The following ESCO2 variants were observed in gnomAD, a reference collection of about 807,000 sequenced individuals.
The protein encoded by ESCO2 is establishment of sister chromatid cohesion N-acetyltransferase 2.
Under a neutral mutation model 61.7 loss-of-function variants are expected in ESCO2, and 51 were observed. The ratio of observed to expected loss-of-function variants is 0.83; its 90% CI spans 0.66 to 1.04. The LOEUF (loss-of-function observed/expected upper bound fraction) is 1.04, where lower values mean the gene tolerates loss of function less well. Among genes scored for constraint, ESCO2 ranks in the 50% least tolerant of loss-of-function variants. The pLI, the probability that ESCO2 is intolerant of heterozygous loss-of-function variation, is 0.00. For synonymous variants in ESCO2, 230 were observed against 238.2 expected, an observed-to-expected ratio of 0.97 and a Z score of 0.32; for missense variants, 692 against 686.2, an observed-to-expected ratio of 1.01 and a Z score of -0.09.
chr8:27,778,608 C>A (rs1254899528), intron 3 of ESCO2: 4 of 152,166 alleles, frequency 2.6e-5, no homozygotes, highest in Non-Finnish European at 5.9e-5. Context: ...GAAGAGTCTG[C>A]AGTTTCCCCA....
At position 27,780,285 on chromosome 8, in the gene ESCO2, T is replaced by C; in HGVS notation, c.955+18T>C. ...TAAGACAAGTAAGAGAAAACTCGCA[T>C]GAATTTAGCTGCTTAAAATAATGCT... On this transcript the variant is annotated intron_variant, in intron 4 of 10. Transcript: ENST00000305188. 1 of 1,387,894 alleles carries C rather than the reference T, an allele frequency of 7.2e-7. No individual in the cohort carries two copies. Among genetic ancestry groups the C allele is most frequent in the South Asian group, 1.2e-5 (1 of 86,158 alleles). 86.0% of individuals were successfully genotyped at this position (1,387,894 alleles called of 1,614,324 possible).
chr8:27,775,675 T>A, intron 2 of ESCO2, 108 bp downstream of exon 2: 1 of 942,560 alleles, frequency 1.1e-6, no homozygotes, highest in East Asian at 2.4e-5. Flanking sequence ...CTACTCCTTG[T>A]GGCTACAGTG....
At chr8:27,789,642 G>A (rs199700700) in intron 7 of ESCO2, among the ~76,000 whole-genome samples, 3 of 152,006 alleles carry the variant, frequency 2.0e-5, no homozygotes, top group East Asian at 1.9e-4. Context: ...TTAGCCAGGC[G>A]TGGTGGCGGG....
Position 27,788,745 on chromosome 8 carries a change from A to T in ESCO2, c.1132-102A>T, listed in dbSNP as rs918387110. ...AGTTTTTCACTTGTGTCAGCAGGAA[A>T]AAAAAAATTAGGTGAAATTTGAATG... is the stretch of plus-strand genomic sequence containing the variant. On this transcript the variant is annotated intron_variant, in intron 6 of 10. Transcript: ENST00000305188. The T allele has an allele frequency of 4.7e-6, 7 of 1,487,604 alleles. No homozygotes were observed. The African/African-American group carries it at 9.7e-5, about 21-fold the overall frequency. The allele number at this position is 1,487,604 out of a possible 1,614,324, so 92.2% of individuals were successfully genotyped here.
intron 9 of ESCO2, among the ~76,000 whole-genome samples, chr8:27,795,681 C>G (rs1405630877): frequency 6.6e-6 from 1 of 152,038 alleles, no homozygotes; most frequent in African/African-American, 2.4e-5. Flanking sequence ...GAGGTACATT[C>G]CTTCTGTACC....
At chr8:27,793,191 C>G (rs1805216223) in intron 9 of ESCO2, among the ~76,000 whole-genome samples, 1 of 152,136 alleles carries the variant, frequency 6.6e-6, no homozygotes, top group Non-Finnish European at 1.5e-5. Context: ...TAGCAATGTT[C>G]TAGAAGACAT....
chr8:27,798,860 G>C (rs567671299), intron 9 of ESCO2, among the ~76,000 whole-genome samples: 122 of 152,310 alleles, frequency 8.0e-4, no homozygotes, highest in African/African-American at 2.8e-3. Flanking sequence ...CAGGGACTGA[G>C]GATGGGAGAG....
In ESCO2 at chr8:27,804,160, C is replaced by T; in HGVS notation, c.*722C>T. On this transcript the variant is annotated 3_prime_UTR_variant, in exon 11 of 11. Coordinates refer to ENST00000305188, the MANE Select transcript of ESCO2 (RefSeq NM_001017420.3). ...GTAAGGAATAAGATTATCCCATATG[C>T]ATTTCTGTAGAGCAGAATTTGATAG... 1.0e-6 allele frequency: 1 copy of T among 985,298 alleles called. No homozygotes were observed. Among genetic ancestry groups the T allele is most frequent in the Non-Finnish European group, 1.2e-6 (1 of 829,848 alleles). 61.0% of individuals were successfully genotyped at this position (985,298 alleles called of 1,614,324 possible).
intron 5 of ESCO2, 71 bp downstream of exon 5, chr8:27,784,128 C>T (rs1290756393): frequency 1.4e-6 from 2 of 1,444,012 alleles, no homozygotes; most frequent in Non-Finnish European, 1.9e-6. Flanking sequence ...CTTTTTCAGT[C>T]TCATGCTACT....
At chr8:27,797,912 G>A (rs917889840) in intron 9 of ESCO2, among the ~76,000 whole-genome samples, 8 of 152,264 alleles carry the variant, frequency 5.3e-5, no homozygotes, top group Middle Eastern at 3.4e-3. Flanking sequence ...TCTCAAAGAA[G>A]TAGACTGTTA....
At chr8:27,797,019 G>A (rs1410919289) in intron 9 of ESCO2, among the ~76,000 whole-genome samples, 1 of 152,168 alleles carries the variant, frequency 6.6e-6, no homozygotes, top group Non-Finnish European at 1.5e-5. Context: ...GGCTGAGGCA[G>A]GAAGATTACT....
downstream of ESCO2, among the ~76,000 whole-genome samples, chr8:27,814,458 T>G (rs1288575561): frequency 6.6e-6 from 1 of 152,148 alleles, no homozygotes; most frequent in Non-Finnish European, 1.5e-5. Context: ...TATTTCATTA[T>G]CTTTTCAAAT....
Position 27,777,091 on chromosome 8 carries a change from A to G in ESCO2, c.783A>G (p.Pro261=), listed in dbSNP as rs1297703834. The change falls in exon 3 of 11, where the codon CCA becomes CCG. Residue 261 remains proline (P), a synonymous_variant. Coordinates refer to ENST00000305188, the MANE Select transcript of ESCO2 (RefSeq NM_001017420.3). ...EKKTFATRQV[P]KCLVLEEKLK... The stretch of plus-strand genomic sequence containing the variant: ...AAACTTTTGCGACAAGGCAAGTGCC[A>G]AAGTGCTTGGTCCTAGAAGAGAAAT... 11 of 1,602,872 alleles carry G rather than the reference A, an allele frequency of 6.9e-6. No homozygotes were observed. The highest frequency in any genetic ancestry group is 9.3e-6 in the Non-Finnish European group (11 of 1,177,492).
chr8:27,783,312 C>T (rs1037948228), intron 4 of ESCO2, among the ~76,000 whole-genome samples: 5 of 152,152 alleles, frequency 3.3e-5, no homozygotes, highest in African/African-American at 1.2e-4. Flanking sequence ...TAGTAATTCT[C>T]ATTTATTGCT....
At chr8:27,772,629 G>T (rs537450700), upstream of ESCO2, 29 of 1,363,112 alleles carry the variant, frequency 2.1e-5, no homozygotes, top group South Asian at 3.3e-4. Context: ...CGGCCGCCTG[G>T]CCCCCGGAAC....
chr8:27,788,904 A>T lies in ESCO2; in HGVS notation c.1189A>T (p.Thr397Ser), dbSNP rs758628558. Residue 397 changes from threonine (T) to serine (S), a missense_variant, in exon 7 of 11, where the codon ACT (threonine) becomes TCT (serine). By Grantham distance (58) the Thr-to-Ser change is moderately conservative. Coordinates refer to ENST00000305188, the MANE Select transcript of ESCO2 (RefSeq NM_001017420.3). ...GTGCAAGTCTTGTGGTATGATATATACTGCTTCCAACCCTGAAGATGAAAT... is the reference window on the plus strand; with the variant it reads ...GTGCAAGTCTTGTGGTATGATATATTCTGCTTCCAACCCTGAAGATGAAAT... Reference protein sequence around the residue: ...TVCKSCGMIYTASNPEDEMQH... With the variant: ...TVCKSCGMIYSASNPEDEMQH... The T allele has an allele frequency of 1.2e-6, 2 of 1,614,128 alleles. No homozygotes were observed. Among genetic ancestry groups the T allele is most frequent in the South Asian group, 2.2e-5 (2 of 91,086 alleles).
In ESCO2 at chr8:27,776,942, TTTG is replaced by T. The variant is rs745724713; in HGVS notation, c.637_639del (p.Val213del). ...TACACTCCAGGGTGGAGCAGCATTT[TTTG>T]TTAGAAAAAAATCTTCTCTTAGAAA... is the stretch of plus-strand genomic sequence containing the variant. On this transcript the variant is annotated inframe_deletion, in exon 3 of 11. Transcript: ENST00000305188. 6.2e-7 allele frequency: 1 copy of T among 1,613,132 alleles called. No individual in the cohort carries two copies. The highest frequency in any genetic ancestry group is 8.5e-7 in the Non-Finnish European group (1 of 1,179,790).
At chr8:27,778,382 G>T (rs1309344387) in intron 3 of ESCO2, 2 of 151,876 alleles carry the variant, frequency 1.3e-5, no homozygotes, top group African/African-American at 4.8e-5. Flanking sequence ...ATACGTTCTT[G>T]CTAGCTAAGC....
intron 5 of ESCO2, among the ~76,000 whole-genome samples, chr8:27,786,921 C>T (rs1340683260): frequency 6.7e-6 from 1 of 150,080 alleles, no homozygotes; most frequent in Non-Finnish European, 1.5e-5. Flanking sequence ...TCCTTTGGTC[C>T]CTGGAAAACC....
Sources: gnomAD v4.1 joint callset for allele counts (sites outside exome capture counted in the v4.1 genomes callset) on GRCh38, gnomAD v4.1.1 for gene constraint, MANE v1.5 for transcripts, NCBI Gene and HGNC (gene_info 2026-07-23, HGNC 2026-07-21) for gene names.